The following TMEM244 variants were observed in gnomAD, a reference collection of about 807,000 sequenced individuals.
TMEM244 encodes the protein putative transmembrane protein 244.
TMEM244 carries 13 observed loss-of-function variants against 15.8 expected under a neutral mutation model. The observed-to-expected ratio is 0.82, with a 90% CI of 0.53 to 1.30. TMEM244 has a LOEUF of 1.30. Ranked by LOEUF, TMEM244 falls within the 50% of genes most tolerant of loss-of-function variation. The pLI, the probability that TMEM244 is intolerant of heterozygous loss-of-function variation, is 0.00. For missense variants in TMEM244, 161 were observed against 144.9 expected (o/e 1.11, Z -0.57); for synonymous variants, 45 against 48.7 (o/e 0.92, Z 0.32).
chr6:129,833,559 A>T lies in TMEM244; in HGVS notation c.220T>A (p.Tyr74Asn). ...ACAAAAAACAATCCACAAACAAAGT[A>T]GGTGACCTCTGTTGAAACTAAAAGA... ...KVLLVSTEVT[Y>N]FVCGLFFVPV... The change falls in exon 4 of 5, where the codon TAC (tyrosine) becomes AAC (asparagine). Residue 74 changes from tyrosine (Y) to asparagine (N), a missense_variant. By Grantham distance (143) the Tyr-to-Asn change is moderately radical (BLOSUM62 -2). Transcript: ENST00000368143. 6.2e-7 allele frequency: 1 copy of T among 1,612,712 alleles called. No individual in the cohort carries two copies. The highest frequency in any genetic ancestry group is 8.5e-7 in the Non-Finnish European group (1 of 1,179,350).
chr6:129,840,937 A>G (rs1339590781), intron 3 of TMEM244, among the ~76,000 whole-genome samples: 1 of 152,174 alleles, frequency 6.6e-6, no homozygotes, highest in Non-Finnish European at 1.5e-5. Flanking sequence ...GATGCTGGAG[A>G]GGATGTGGAG....
chr6:129,840,953 G>A (rs979329982), intron 3 of TMEM244, among the ~76,000 whole-genome samples: 8 of 152,156 alleles, frequency 5.3e-5, no homozygotes, highest in African/African-American at 1.4e-4. Context: ...TGGAGCAATA[G>A]GAACACTTTT....
chr6:129,840,474 C>T (rs545969971), intron 3 of TMEM244, among the ~76,000 whole-genome samples: 1 of 152,128 alleles, frequency 6.6e-6, no homozygotes, highest in South Asian at 2.1e-4. Context: ...ACCATAAAAA[C>T]CCTAGAAGAA....
chr6:129,832,367 G>A (rs1776340409), intron 4 of TMEM244, among the ~76,000 whole-genome samples: 1 of 152,052 alleles, frequency 6.6e-6, no homozygotes, highest in Non-Finnish European at 1.5e-5. Flanking sequence ...CAGAGTGCTG[G>A]GATTACAGGC....
intron 4 of TMEM244, among the ~76,000 whole-genome samples, chr6:129,832,722 T>G (rs1309818816): frequency 6.6e-6 from 1 of 152,158 alleles, no homozygotes; most frequent in African/African-American, 2.4e-5. Context: ...AGGAAACTAA[T>G]GTAAGAGATG....
At chr6:129,850,156 G>A (rs1270115733) in intron 1 of TMEM244, among the ~76,000 whole-genome samples, 1 of 152,164 alleles carries the variant, frequency 6.6e-6, no homozygotes, top group Non-Finnish European at 1.5e-5. Flanking sequence ...GATGAGCTGA[G>A]GCAGTGGCAG....
intron 1 of TMEM244, among the ~76,000 whole-genome samples, chr6:129,853,334 CCT>C (rs995780523): frequency 1.3e-5 from 2 of 152,160 alleles, no homozygotes; most frequent in Admixed American, 6.5e-5. Flanking sequence ...TAAACTGATA[CCT>C]CACTTCCTCC....
rs543725266 is a variant in TMEM244, at chr6:129,857,811, T to C, written c.33+3345A>G. On this transcript the variant is annotated intron_variant, in intron 1 of 4. Transcript: ENST00000368143. The stretch of plus-strand genomic sequence containing the variant: ...ATGTGTGGTTTTTTATATATATATA[T>C]ACACACATATATATATGTGTATATA... Among the ~76,000 whole-genome samples the C allele has an allele frequency of 1.8e-3, 264 of 150,108 alleles. 1 individual carries two copies. The highest frequency in any genetic ancestry group is 6.1e-3 in the African/African-American group (250 of 41,080).
chr6:129,838,561 A>G (rs1776441094), intron 3 of TMEM244, among the ~76,000 whole-genome samples: 2 of 152,220 alleles, frequency 1.3e-5, no homozygotes, highest in South Asian at 4.1e-4. Context: ...AAGCTAGCAG[A>G]AGGCAAGAAA....
At chr6:129,835,260 A>G (rs1776387140) in intron 3 of TMEM244, among the ~76,000 whole-genome samples, 1 of 152,108 alleles carries the variant, frequency 6.6e-6, no homozygotes, top group South Asian at 2.1e-4. Context: ...TTAGCCTGGC[A>G]TAATAGTGTG....
intron 1 of TMEM244, among the ~76,000 whole-genome samples, chr6:129,847,553 G>C (rs1408063082): frequency 6.6e-6 from 1 of 152,022 alleles, no homozygotes; most frequent in African/African-American, 2.4e-5. Context: ...TTAAATGGGT[G>C]GGATGTGAGG....
At chr6:129,839,666 A>G (rs768462581) in intron 3 of TMEM244, among the ~76,000 whole-genome samples, 7 of 152,228 alleles carry the variant, frequency 4.6e-5, no homozygotes, top group African/African-American at 1.7e-4. Context: ...ACATGATTGT[A>G]TATTTAGAAA....
chr6:129,858,254 T>C (rs1776747023), intron 1 of TMEM244, among the ~76,000 whole-genome samples: 1 of 152,218 alleles, frequency 6.6e-6, no homozygotes, highest in South Asian at 2.1e-4. Context: ...GTGGCTTTTC[T>C]TGTTTTTCTA....
chr6:129,841,475 C>T (rs761601185), intron 3 of TMEM244, among the ~76,000 whole-genome samples: 20 of 151,916 alleles, frequency 1.3e-4, no homozygotes, highest in Non-Finnish European at 2.5e-4. Flanking sequence ...ATGTAAATGA[C>T]GAGTTGATGG....
At chr6:129,850,356 T>C (rs1167410935) in intron 1 of TMEM244, among the ~76,000 whole-genome samples, 1 of 152,044 alleles carries the variant, frequency 6.6e-6, no homozygotes, top group Non-Finnish European at 1.5e-5. Context: ...TATTATAGAC[T>C]AGAGAGGGGC....
At chr6:129,835,450 A>G (rs1042786504) in intron 3 of TMEM244, among the ~76,000 whole-genome samples, 4 of 151,676 alleles carry the variant, frequency 2.6e-5, no homozygotes, top group Admixed American at 2.6e-4. Flanking sequence ...AGATGGCTGA[A>G]TAGGAACAGC....
intron 3 of TMEM244, among the ~76,000 whole-genome samples, chr6:129,842,549 A>G (rs551525114): frequency 5.3e-5 from 8 of 150,834 alleles, no homozygotes; most frequent in Admixed American, 1.3e-4. Flanking sequence ...ATTTTTCTAT[A>G]TTTGCATATT....
At chr6:129,839,869 C>T (rs181614469) in intron 3 of TMEM244, among the ~76,000 whole-genome samples, 192 of 152,246 alleles carry the variant, frequency 1.3e-3, no homozygotes, top group Admixed American at 2.7e-3. Flanking sequence ...ATCTAACTTA[C>T]AAGGAATGTG....
At chr6:129,845,638 G>A (rs1776551086) in intron 2 of TMEM244, 129 bp downstream of exon 2, 1 of 749,200 alleles carries the variant, frequency 1.3e-6, no homozygotes, top group African/African-American at 1.8e-5. Flanking sequence ...ATAAATAAAA[G>A]TAAGAAACTA....
Sources: allele counts gnomAD v4.1 joint callset (sites outside exome capture counted in the v4.1 genomes callset), GRCh38; gene constraint gnomAD v4.1.1; transcripts MANE v1.5; gene names NCBI Gene and HGNC (gene_info 2026-07-23, HGNC 2026-07-21).